Variants in NWD2 observed in about 807,000 individuals in gnomAD.
NWD2 encodes the protein NACHT and WD repeat domain-containing protein 2.
In NWD2, 37 loss-of-function variants were observed where a neutral mutation model predicts 132.7. That is an observed-to-expected ratio of 0.28 (90% CI 0.21 to 0.37). The LOEUF is 0.37. Ranked by LOEUF, NWD2 falls within the 10% of genes least tolerant of loss-of-function variation. NWD2 has a pLI of 1.00. For synonymous variants in NWD2, 705 were observed against 803.0 expected (o/e 0.88, Z 2.06); for missense variants, 1,592 against 2,122.4 (o/e 0.75, Z 4.91).
intron 3 of NWD2, among the ~76,000 whole-genome samples, chr4:37,363,756 A>G (rs928986367): frequency 4.6e-5 from 7 of 152,212 alleles, no homozygotes; most frequent in Admixed American, 1.3e-4. Flanking sequence ...AAACCTCAGC[A>G]TCATGCAATA....
chr4:37,429,410 G>A (rs546211254), intron 3 of NWD2, among the ~76,000 whole-genome samples: 2 of 152,148 alleles, frequency 1.3e-5, no homozygotes, highest in East Asian at 1.9e-4. Flanking sequence ...CCTCTTCTGG[G>A]TTCAAGCAAT....
chr4:37,274,429 G>T (rs1162332769), intron 1 of NWD2, among the ~76,000 whole-genome samples: 3 of 152,084 alleles, frequency 2.0e-5, no homozygotes, highest in Non-Finnish European at 4.4e-5. Context: ...TGAAATTGAG[G>T]CAATAATTAA....
chr4:37,366,809 T>C (rs939790417), intron 3 of NWD2, among the ~76,000 whole-genome samples: 1 of 152,184 alleles, frequency 6.6e-6, no homozygotes, highest in Non-Finnish European at 1.5e-5. Context: ...TCTATATTTC[T>C]ATGCACCTAA....
rs75347542 is a variant in NWD2, at chr4:37,419,738, C to T, written c.358-10834C>T. Among the ~76,000 whole-genome samples the T allele has an allele frequency of 5.2e-3, 792 of 152,286 alleles. 12 individuals are homozygous for T. Among genetic ancestry groups the T allele is most frequent in the African/African-American group, 0.019 (772 of 41,568 alleles). On this transcript the variant is annotated intron_variant, in intron 3 of 6. Transcript: ENST00000309447. The stretch of plus-strand genomic sequence containing the variant: ...TAGAAAAATGAAAACTTAGAGCAGA[C>T]TTACGTACCACACATTATGGGAATT...
intron 1 of NWD2, among the ~76,000 whole-genome samples, chr4:37,308,284 A>G (rs1196440566): frequency 6.6e-6 from 1 of 152,086 alleles, no homozygotes. Context: ...CAGATGTGTT[A>G]ATTGAATAGA....
At chr4:37,379,111 C>G (rs982603872) in intron 3 of NWD2, among the ~76,000 whole-genome samples, 3 of 152,152 alleles carry the variant, frequency 2.0e-5, no homozygotes, top group African/African-American at 7.2e-5. Flanking sequence ...TTCTAGTGGT[C>G]TGGTAATTCA....
At chr4:37,312,566 C>G (rs1388818879) in intron 1 of NWD2, among the ~76,000 whole-genome samples, 2 of 150,976 alleles carry the variant, frequency 1.3e-5, no homozygotes, top group East Asian at 3.9e-4. Flanking sequence ...ACAATCATGT[C>G]ATCTGCAAAC....
chr4:37,365,503 G>T (rs1720083320), intron 3 of NWD2, among the ~76,000 whole-genome samples: 2 of 152,076 alleles, frequency 1.3e-5, no homozygotes, highest in Admixed American at 1.3e-4. Context: ...AAAATCTAAA[G>T]CCTCAGATTT....
chr4:37,262,562 G>A (rs1717661911), intron 1 of NWD2, among the ~76,000 whole-genome samples: 1 of 152,070 alleles, frequency 6.6e-6, no homozygotes, highest in East Asian at 1.9e-4. Flanking sequence ...ATCTGATCTG[G>A]GTTTCCCTAC....
At chr4:37,360,054 C>T (rs1011017941) in intron 3 of NWD2, among the ~76,000 whole-genome samples, 11 of 152,208 alleles carry the variant, frequency 7.2e-5, no homozygotes, top group Middle Eastern at 6.8e-3. Flanking sequence ...TACAATCAAG[C>T]GAGAGCCCTG....
intron 3 of NWD2, among the ~76,000 whole-genome samples, chr4:37,404,741 C>G (rs930626854): frequency 5.3e-5 from 8 of 152,192 alleles, no homozygotes; most frequent in African/African-American, 1.9e-4. Flanking sequence ...ATCCGCTCAG[C>G]TTCTGGAGAG....
chr4:37,438,080 T>C (rs1712370364), intron 5 of NWD2, among the ~76,000 whole-genome samples: 1 of 151,924 alleles, frequency 6.6e-6, no homozygotes, highest in Admixed American at 6.6e-5. Context: ...GCTAACACGG[T>C]GAAACCCCAT....
chr4:37,288,015 A>G (rs184958853), intron 1 of NWD2, among the ~76,000 whole-genome samples: 1 of 152,352 alleles, frequency 6.6e-6, no homozygotes, highest in East Asian at 1.9e-4. Flanking sequence ...TTTCAGGGAC[A>G]TGGATGAAGC....
chr4:37,352,309 G>A (rs574261267), intron 2 of NWD2, among the ~76,000 whole-genome samples: 1 of 152,178 alleles, frequency 6.6e-6, no homozygotes, highest in South Asian at 2.1e-4. Context: ...TTATATGGGA[G>A]TCTAAGTCTC....
intron 3 of NWD2, among the ~76,000 whole-genome samples, chr4:37,398,227 A>G (rs1245239095): frequency 6.6e-6 from 1 of 152,196 alleles, no homozygotes; most frequent in Non-Finnish European, 1.5e-5. Flanking sequence ...CCAGGGTCAT[A>G]AACAAAATGT....
chr4:37,292,260 A>C (rs1718379004), intron 1 of NWD2, among the ~76,000 whole-genome samples: 1 of 151,964 alleles, frequency 6.6e-6, no homozygotes, highest in South Asian at 2.1e-4. Context: ...ATATGTTGAA[A>C]ATGTGATAGT....
chr4:37,330,583 A>C (rs1719272583), intron 2 of NWD2, among the ~76,000 whole-genome samples: 1 of 152,192 alleles, frequency 6.6e-6, no homozygotes, highest in African/African-American at 2.4e-5. Context: ...TCTAACCCTC[A>C]TTGCTTCAAA....
intron 3 of NWD2, among the ~76,000 whole-genome samples, chr4:37,406,650 C>G (rs1377378919): frequency 6.6e-6 from 1 of 152,182 alleles, no homozygotes; most frequent in Non-Finnish European, 1.5e-5. Flanking sequence ...GTAATCCCAG[C>G]ACTTTGGGAG....
chr4:37,427,708 G>T (rs1712046983), intron 3 of NWD2, among the ~76,000 whole-genome samples: 1 of 152,156 alleles, frequency 6.6e-6, no homozygotes, highest in Non-Finnish European at 1.5e-5. Flanking sequence ...CTTCCTTTCT[G>T]GTCATTGAGG....
Sources: gnomAD v4.1 joint callset for allele counts (sites outside exome capture counted in the v4.1 genomes callset) on GRCh38, gnomAD v4.1.1 for gene constraint, MANE v1.5 for transcripts, NCBI Gene and HGNC (gene_info 2026-07-23, HGNC 2026-07-21) for gene names.